Variants in ACER2 observed in about 807,000 individuals in gnomAD.
ACER2 encodes alkaline ceramidase 2.
A neutral mutation model predicts 34.7 loss-of-function variants in ACER2; 26 were observed. The ratio of observed to expected loss-of-function variants is 0.75; its 90% CI spans 0.55 to 1.04. The LOEUF is 1.04. Ranked by LOEUF, ACER2 falls within the 50% of genes least tolerant of loss-of-function variation. ACER2 has a pLI of 0.00. For missense variants in ACER2, 352 were observed against 340.8 expected (o/e 1.03, Z -0.26); for synonymous variants, 138 against 132.1 (o/e 1.04, Z -0.31).
intron 5 of ACER2, among the ~76,000 whole-genome samples, chr9:19,447,674 C>T (rs1023931944): frequency 1.3e-5 from 2 of 152,108 alleles, no homozygotes; most frequent in Admixed American, 1.3e-4. Flanking sequence ...TCTAAGTCCC[C>T]TGTCACACAT....
chr9:19,427,620 C>T (rs1404313648), intron 3 of ACER2, among the ~76,000 whole-genome samples: 1 of 141,636 alleles, frequency 7.1e-6, no homozygotes, highest in African/African-American at 2.5e-5. Flanking sequence ...TTCTCCCTTC[C>T]CTCCCTCCCC....
At chr9:19,424,119 A>G in intron 2 of ACER2, 143 bp downstream of exon 2, 1 of 829,560 alleles carries the variant, frequency 1.2e-6, no homozygotes, top group South Asian at 1.7e-5. Context: ...TTTTTTTCCC[A>G]CTTGCTTGAA....
Position 19,423,782 on chromosome 9 carries a change from A to T in ACER2, c.109-80A>T, listed in dbSNP as rs1589042307. On this transcript the variant is annotated intron_variant, in intron 1 of 5. Coordinates refer to ENST00000340967, the MANE Select transcript of ACER2 (RefSeq NM_001010887.3). ...ACCACATTTATCCCAGTTTGCAAGG[A>T]CATACTTGGAAGAGGCCACTTTATT... is the stretch of plus-strand genomic sequence containing the variant. 27 of 1,002,112 alleles carry T rather than the reference A, an allele frequency of 2.7e-5. 2 individuals carry two copies. In the South Asian group the frequency reaches 3.5e-4, roughly 13 times the overall value. The allele number at this position is 1,002,112 out of a possible 1,614,324, so 62.1% of individuals were successfully genotyped here.
intron 3 of ACER2, among the ~76,000 whole-genome samples, chr9:19,434,446 AGCCGAGATCAC>A (rs1830888658): frequency 6.6e-6 from 1 of 152,220 alleles, no homozygotes; most frequent in Non-Finnish European, 1.5e-5. Context: ...GGTTGTAGCG[AGCCGAGATCAC>A]GCCACTGCAC....
chr9:19,417,394 C>T (rs1830270151), intron 1 of ACER2, among the ~76,000 whole-genome samples: 1 of 152,112 alleles, frequency 6.6e-6, no homozygotes, highest in African/African-American at 2.4e-5. Flanking sequence ...CATATGGAAA[C>T]AAAAAGCCCA....
intron 1 of ACER2, among the ~76,000 whole-genome samples, chr9:19,417,196 A>G (rs1830265327): frequency 6.6e-6 from 1 of 152,220 alleles, no homozygotes; most frequent in Admixed American, 6.5e-5. Flanking sequence ...AAGGAGAACT[A>G]CAAACCACTG....
At chr9:19,450,404 G>A in intron 5 of ACER2, 46 bp from the exon 6 acceptor site, 1 of 1,519,252 alleles carries the variant, frequency 6.6e-7, no homozygotes, top group Non-Finnish European at 8.9e-7. Flanking sequence ...CAGGGCAGCG[G>A]AGTCTTCATG....
chr9:19,411,653 C>T (rs781552495), intron 1 of ACER2, among the ~76,000 whole-genome samples: 1 of 152,164 alleles, frequency 6.6e-6, no homozygotes, highest in Non-Finnish European at 1.5e-5. Context: ...TGATAAATAT[C>T]GTCTTAAATC....
At chr9:19,442,200 A>G (rs1025566394) in intron 4 of ACER2, among the ~76,000 whole-genome samples, 7 of 152,146 alleles carry the variant, frequency 4.6e-5, no homozygotes, top group Admixed American at 4.6e-4. Context: ...ACTTTTTCTG[A>G]TTATAGGAGT....
At chr9:19,434,507 C>T (rs1442272502) in intron 3 of ACER2, among the ~76,000 whole-genome samples, 1 of 152,258 alleles carries the variant, frequency 6.6e-6, no homozygotes. Flanking sequence ...GAACCAGACT[C>T]CGTCTGCAAT....
intron 4 of ACER2, among the ~76,000 whole-genome samples, chr9:19,438,240 A>G (rs975770378): frequency 6.6e-6 from 1 of 152,232 alleles, no homozygotes; most frequent in African/African-American, 2.4e-5. Context: ...TGCAGTAAGG[A>G]TTAAATAAGA....
At chr9:19,433,450 T>G (rs1198432935) in intron 3 of ACER2, among the ~76,000 whole-genome samples, 3 of 152,016 alleles carry the variant, frequency 2.0e-5, no homozygotes, top group Non-Finnish European at 2.9e-5. Context: ...AGCACATGTT[T>G]CAGAGAGCAC....
chr9:19,416,091 G>A (rs1003345629), intron 1 of ACER2, among the ~76,000 whole-genome samples: 1 of 148,678 alleles, frequency 6.7e-6, no homozygotes, highest in African/African-American at 2.5e-5. Context: ...ACACATTCAT[G>A]TATATGAAGG....
intron 1 of ACER2, among the ~76,000 whole-genome samples, chr9:19,412,940 C>T (rs1293390765): frequency 6.6e-6 from 1 of 152,062 alleles, no homozygotes; most frequent in African/African-American, 2.4e-5. Context: ...GGTTTTTGAA[C>T]AGTGATTCAG....
intron 3 of ACER2, among the ~76,000 whole-genome samples, chr9:19,429,185 A>G (rs1157185280): frequency 6.6e-6 from 1 of 152,188 alleles, no homozygotes; most frequent in Non-Finnish European, 1.5e-5. Flanking sequence ...GGTTTATAGA[A>G]AAAAACTTTC....
At chr9:19,421,807 A>G (rs1388884853) in intron 1 of ACER2, among the ~76,000 whole-genome samples, 1 of 152,144 alleles carries the variant, frequency 6.6e-6, no homozygotes, top group Non-Finnish European at 1.5e-5. Flanking sequence ...TCTGTGAAAC[A>G]AACAAACCCC....
chr9:19,448,596 T>C (rs1033527689), intron 5 of ACER2, among the ~76,000 whole-genome samples: 19 of 152,146 alleles, frequency 1.2e-4, no homozygotes, highest in Non-Finnish European at 2.9e-5. Flanking sequence ...TATTGCTAAA[T>C]CCAGAGAAAC....
intron 3 of ACER2, among the ~76,000 whole-genome samples, chr9:19,425,162 C>G (rs1216280750): frequency 6.6e-6 from 1 of 152,204 alleles, no homozygotes; most frequent in African/African-American, 2.4e-5. Flanking sequence ...ATTCAATACT[C>G]TTTGATTTTC....
intron 4 of ACER2, among the ~76,000 whole-genome samples, chr9:19,443,770 C>A (rs1386625907): frequency 6.6e-6 from 1 of 152,266 alleles, no homozygotes; most frequent in East Asian, 1.9e-4. Flanking sequence ...GATTCTCCTG[C>A]CTCAGCCTCC....
Sources: allele counts gnomAD v4.1 joint callset (sites outside exome capture counted in the v4.1 genomes callset), GRCh38; gene constraint gnomAD v4.1.1; transcripts MANE v1.5; gene names NCBI Gene and HGNC (gene_info 2026-07-23, HGNC 2026-07-21).